CDH18: variants seen among roughly 807,000 people sequenced by gnomAD.
The protein encoded by CDH18 is cadherin-18.
A neutral mutation model predicts 67.9 loss-of-function variants in CDH18; 31 were observed. That is an observed-to-expected ratio of 0.46 (90% CI 0.34 to 0.62). The LOEUF (loss-of-function observed/expected upper bound fraction) is 0.62, where lower values mean the gene tolerates loss of function less well. Among genes scored for constraint, CDH18 ranks in the 20% least tolerant of loss-of-function variants. CDH18 has a pLI of 0.01. For synonymous variants in CDH18, 362 were observed against 347.2 expected, an observed-to-expected ratio of 1.04 and a Z score of -0.48; for missense variants, 890 against 975.5, an observed-to-expected ratio of 0.91 and a Z score of 1.17.
intron 3 of CDH18, among the ~76,000 whole-genome samples, chr5:19,786,643 AAT>A (rs573323550): frequency 8.7e-4 from 133 of 152,208 alleles, no homozygotes; most frequent in East Asian, 2.5e-3. Flanking sequence ...TGTTCCTGAT[AAT>A]ATATATTTGA....
chr5:20,287,624 T>C (rs1316226705), intron 1 of CDH18, among the ~76,000 whole-genome samples: 3 of 151,802 alleles, frequency 2.0e-5, no homozygotes, highest in African/African-American at 7.2e-5. Flanking sequence ...ACTCTAATGA[T>C]ATGCTAGCAA....
intron 6 of CDH18, among the ~76,000 whole-genome samples, chr5:19,603,985 G>A (rs967854230): frequency 6.6e-6 from 1 of 151,572 alleles, no homozygotes; most frequent in Non-Finnish European, 1.5e-5. Flanking sequence ...CTGTGTAACA[G>A]CTTTGTATCT....
chr5:20,467,573 G>C (rs1005460079), intron 1 of CDH18, among the ~76,000 whole-genome samples: 16 of 152,144 alleles, frequency 1.1e-4, no homozygotes, highest in Admixed American at 6.6e-4. Flanking sequence ...AAGTGAGAAG[G>C]CTTTATAAAT....
At chr5:20,571,927 CT>C (rs1303245482) in intron 1 of CDH18, among the ~76,000 whole-genome samples, 4 of 152,042 alleles carry the variant, frequency 2.6e-5, no homozygotes, top group Admixed American at 1.3e-4. Flanking sequence ...TGCGTAACCC[CT>C]AACCAAGTCC....
chr5:19,532,773 A>C (rs1208135299), intron 9 of CDH18, among the ~76,000 whole-genome samples: 6 of 152,218 alleles, frequency 3.9e-5, no homozygotes, highest in African/African-American at 1.4e-4. Flanking sequence ...TAGTTGACTT[A>C]TAAATAGTTT....
intron 2 of CDH18, among the ~76,000 whole-genome samples, chr5:19,978,275 C>T (rs189388719): frequency 2.0e-5 from 3 of 152,112 alleles, no homozygotes; most frequent in East Asian, 1.9e-4. Flanking sequence ...GTAACATTTA[C>T]CTTCTTTTTG....
intron 1 of CDH18, among the ~76,000 whole-genome samples, chr5:20,374,333 A>G (rs1311008763): frequency 6.6e-6 from 1 of 152,196 alleles, no homozygotes; most frequent in East Asian, 1.9e-4. Flanking sequence ...GATGGCTTTG[A>G]AAAGGAGGTA....
At chr5:19,711,435 C>G (rs1764688994) in intron 5 of CDH18, among the ~76,000 whole-genome samples, 1 of 151,658 alleles carries the variant, frequency 6.6e-6, no homozygotes, top group Non-Finnish European at 1.5e-5. Context: ...ACAAATAACC[C>G]TATTTCAAAG....
chr5:20,424,179 A>G (rs1748093869), intron 1 of CDH18, among the ~76,000 whole-genome samples: 1 of 150,840 alleles, frequency 6.6e-6, no homozygotes, highest in South Asian at 2.1e-4. Context: ...AGGAATTTTT[A>G]TTCAGGATTG....
At chr5:19,884,229 C>A (rs1787960089) in intron 2 of CDH18, among the ~76,000 whole-genome samples, 1 of 152,058 alleles carries the variant, frequency 6.6e-6, no homozygotes, top group Non-Finnish European at 1.5e-5. Context: ...TACTTCAGCT[C>A]ATTTCTTGCT....
intron 9 of CDH18, among the ~76,000 whole-genome samples, chr5:19,524,628 T>G (rs1333501738): frequency 6.6e-6 from 1 of 152,116 alleles, no homozygotes; most frequent in Admixed American, 6.6e-5. Flanking sequence ...TATGTATTCC[T>G]GTATCTCCCA....
intron 2 of CDH18, among the ~76,000 whole-genome samples, chr5:20,242,610 A>T (rs1561905822): frequency 0.02 from 510 of 25,134 alleles, 58 homozygotes; most frequent in African/African-American, 0.078. Flanking sequence ...AAAAAAAAAA[A>T]AATATATATA....
At chr5:20,062,071 C>A (rs1742535954) in intron 2 of CDH18, among the ~76,000 whole-genome samples, 1 of 151,544 alleles carries the variant, frequency 6.6e-6, no homozygotes, top group African/African-American at 2.4e-5. Context: ...GAAAAACAGG[C>A]CTGGAGGGGC....
chr5:19,549,197 A>G (rs1394994572), intron 8 of CDH18, among the ~76,000 whole-genome samples: 2 of 152,188 alleles, frequency 1.3e-5, no homozygotes, highest in African/African-American at 4.8e-5. Context: ...TGGATCCCTC[A>G]TGAATGGTTT....
At chr5:20,174,284 C>G (rs1367204851) in intron 2 of CDH18, among the ~76,000 whole-genome samples, 1 of 152,112 alleles carries the variant, frequency 6.6e-6, no homozygotes, top group Non-Finnish European at 1.5e-5. Context: ...TGTAGATGAG[C>G]TTATTATAGC....
chr5:19,841,353 T>A (rs570200339), intron 2 of CDH18, among the ~76,000 whole-genome samples: 1 of 151,940 alleles, frequency 6.6e-6, no homozygotes, highest in Admixed American at 6.6e-5. Context: ...GGAAAGAGAG[T>A]CAGAAATCAC....
chr5:19,916,193 C>T (rs528473229), intron 2 of CDH18, among the ~76,000 whole-genome samples: 3 of 152,260 alleles, frequency 2.0e-5, no homozygotes, highest in Admixed American at 6.5e-5. Flanking sequence ...AAGAGCCACA[C>T]GTCCTTTATG....
chr5:19,709,614 G>T (rs1764442196), intron 5 of CDH18, among the ~76,000 whole-genome samples: 1 of 142,396 alleles, frequency 7.0e-6, no homozygotes, highest in South Asian at 2.2e-4. Context: ...AAGGAAGACA[G>T]AATGACAGAA....
intron 2 of CDH18, among the ~76,000 whole-genome samples, chr5:20,040,942 G>C (rs1740366883): frequency 1.3e-5 from 2 of 152,064 alleles, no homozygotes; most frequent in African/African-American, 4.8e-5. Flanking sequence ...TATTTATTTG[G>C]CCTTTGCCAT....
Sources: gnomAD v4.1 joint callset for allele counts (sites outside exome capture counted in the v4.1 genomes callset) on GRCh38, gnomAD v4.1.1 for gene constraint, MANE v1.5 for transcripts, NCBI Gene and HGNC (gene_info 2026-07-23, HGNC 2026-07-21) for gene names.